The following SATB2 variants were observed in gnomAD, a reference collection of about 807,000 sequenced individuals.
SATB2 encodes the protein DNA-binding protein SATB2.
SATB2 carries 1 observed loss-of-function variant against 73.4 expected under a neutral mutation model. That is an observed-to-expected ratio of 0.01 (90% CI 0.00 to 0.06). SATB2 has a LOEUF of 0.06. Ranked by LOEUF, SATB2 falls within the 10% of genes least tolerant of loss-of-function variation. The pLI is 1.00. For missense variants in SATB2, 459 were observed against 945.8 expected (o/e 0.49, Z 6.75); for synonymous variants, 397 against 367.0 (o/e 1.08, Z -0.93).
At chr2:199,451,658 G>GTC (rs1430584664) in intron 2 of SATB2, among the ~76,000 whole-genome samples, 1 of 151,966 alleles carries the variant, frequency 6.6e-6, no homozygotes, top group Non-Finnish European at 1.5e-5. Context: ...AAAGTTAAAT[G>GTC]TCTCTCTACT....
intron 6 of SATB2, among the ~76,000 whole-genome samples, chr2:199,359,517 A>G (rs1689077460): frequency 6.6e-6 from 1 of 152,136 alleles, no homozygotes; most frequent in Non-Finnish European, 1.5e-5. Flanking sequence ...CTCTCAATTG[A>G]CAGATCAGGT....
intron 8 of SATB2, among the ~76,000 whole-genome samples, chr2:199,324,560 G>A (rs1165843648): frequency 6.6e-6 from 1 of 152,042 alleles, no homozygotes; most frequent in Non-Finnish European, 1.5e-5. Flanking sequence ...GCTTCACAAT[G>A]CCTTTGATGT....
intron 2 of SATB2, among the ~76,000 whole-genome samples, chr2:199,434,165 CATG>C (rs1691586773): frequency 6.6e-6 from 1 of 152,018 alleles, no homozygotes; most frequent in African/African-American, 2.4e-5. Flanking sequence ...CTGAAAATAA[CATG>C]ATCATAAACA....
intron 7 of SATB2, among the ~76,000 whole-genome samples, chr2:199,331,126 G>A (rs952557536): frequency 6.6e-6 from 1 of 151,750 alleles, no homozygotes; most frequent in African/African-American, 2.4e-5. Context: ...CAAAACTATT[G>A]TTCTAATGGA....
chr2:199,419,567 C>T (rs997389690), intron 3 of SATB2, among the ~76,000 whole-genome samples: 1 of 152,160 alleles, frequency 6.6e-6, no homozygotes, highest in Non-Finnish European at 1.5e-5. Context: ...TAAATTACCT[C>T]GGGATGTCCA....
intron 3 of SATB2, among the ~76,000 whole-genome samples, chr2:199,398,163 C>T (rs1367272002): frequency 1.3e-5 from 2 of 151,718 alleles, no homozygotes; most frequent in African/African-American, 4.9e-5. Context: ...AAAACAGACA[C>T]ATGTTTTCCA....
chr2:199,285,288 T>C (rs965555528), intron 10 of SATB2, among the ~76,000 whole-genome samples: 1 of 151,890 alleles, frequency 6.6e-6, no homozygotes, highest in Non-Finnish European at 1.5e-5. Flanking sequence ...AGAGAAAGAG[T>C]GTAGGAGAAA....
intron 2 of SATB2, among the ~76,000 whole-genome samples, chr2:199,436,049 G>C (rs926767971): frequency 2.6e-5 from 4 of 152,176 alleles, no homozygotes; most frequent in South Asian, 2.1e-4. Context: ...TCCATGTGCA[G>C]TTCCTAATGT....
chr2:199,397,984 A>C (rs1206920315), intron 3 of SATB2: 2 of 227,162 alleles, frequency 8.8e-6, no homozygotes, highest in Non-Finnish European at 1.8e-5. Flanking sequence ...TTATATTTTA[A>C]GTACATTTCA....
rs906996735 is a variant in SATB2 at position 199,464,267 on chromosome 2, GC to G, written c.-141+568del. Among the ~76,000 whole-genome samples, 8 of 152,122 alleles carry G rather than the reference GC, an allele frequency of 5.3e-5. No individual in the cohort carries two copies. Among genetic ancestry groups the G allele is most frequent in the African/African-American group, 1.7e-4 (7 of 41,440 alleles). On this transcript the variant is annotated intron_variant, in intron 1 of 11. Transcript: ENST00000260926. The surrounding 1 kb of genome is among the most constrained non-coding windows in gnomAD (Gnocchi z 6.6). The stretch of plus-strand genomic sequence containing the variant: ...TGGTGCCTTCCCTCCCCGCCCTACA[GC>G]CAAGCCCAGAGGAACAGGGCATCGC...
In SATB2 at chr2:199,328,792, C is replaced by A. The variant is rs745320639; in HGVS notation, c.1292G>T (p.Arg431Leu). The change falls in exon 8 of 11, where the codon CGC becomes CTC. Residue 431 changes from arginine (R) to leucine (L), a missense_variant. Arg to Leu is a moderately radical substitution (Grantham distance 102). This residue lies in a region of SATB2 where 21 missense variants were observed against 92.8 expected (regional missense o/e 0.23). Coordinates refer to ENST00000417098, the MANE Select transcript of SATB2 (RefSeq NM_001172509.2). ...CCGCTCCCTCTCATCCTGGTAGATGCGATCTCGCTCCACTTCTGGCAGATT... is the reference window on the plus strand; with the variant it reads ...CCGCTCCCTCTCATCCTGGTAGATGAGATCTCGCTCCACTTCTGGCAGATT... ...FLNLPEVERD[R>L]IYQDERERSM... The A allele has an allele frequency of 1.2e-6, 2 of 1,613,894 alleles. No homozygotes were observed. The highest frequency in any genetic ancestry group is 1.1e-5 in the South Asian group (1 of 91,092).
At chr2:199,312,418 G>A (rs1257289714) in intron 9 of SATB2, among the ~76,000 whole-genome samples, 3 of 152,136 alleles carry the variant, frequency 2.0e-5, no homozygotes, top group Admixed American at 1.3e-4. Flanking sequence ...TTTACAGTCT[G>A]GTAAAACTAG....
intron 7 of SATB2, among the ~76,000 whole-genome samples, chr2:199,331,197 G>A (rs1363288977): frequency 1.5e-5 from 2 of 134,766 alleles, no homozygotes; most frequent in Admixed American, 8.5e-5. Flanking sequence ...AAAACACAGA[G>A]TGTTTTAATT....
intron 7 of SATB2, among the ~76,000 whole-genome samples, chr2:199,330,134 T>C (rs1157642494): frequency 6.6e-6 from 1 of 152,166 alleles, no homozygotes; most frequent in Non-Finnish European, 1.5e-5. Flanking sequence ...AGATTTCTAA[T>C]ATGTGGCTTA....
chr2:199,324,492 C>T (rs1687978921), intron 8 of SATB2, among the ~76,000 whole-genome samples: 1 of 152,108 alleles, frequency 6.6e-6, no homozygotes, highest in Non-Finnish European at 1.5e-5. Flanking sequence ...CAGACAGTCA[C>T]CTAATTTCAC....
In SATB2 at chr2:199,272,987, G is replaced by A. The variant is rs1221734575; in HGVS notation, c.1741-315C>T. Among the ~76,000 whole-genome samples, 1 of 152,012 alleles carries A rather than the reference G, an allele frequency of 6.6e-6. No homozygotes were observed. Among genetic ancestry groups the A allele is most frequent in the African/African-American group, 2.4e-5 (1 of 41,382 alleles). ...TCTATACCTGTAACCACCAAGATAT[G>A]CCACCTCTCTGAAGGCTAACGACAA... On this transcript the variant is annotated intron_variant, in intron 10 of 10. Coordinates refer to ENST00000417098, the MANE Select transcript of SATB2 (RefSeq NM_001172509.2). This position sits in a 1 kb window ranked among gnomAD's most constrained non-coding sequence, Gnocchi z 6.7.
At chr2:199,383,793 G>C (rs892903925) in intron 3 of SATB2, among the ~76,000 whole-genome samples, 1 of 152,154 alleles carries the variant, frequency 6.6e-6, no homozygotes, top group South Asian at 2.1e-4. Context: ...GCATTCCATT[G>C]TAAGAATACA....
At chr2:199,273,034 A>G (rs1294031661) in intron 10 of SATB2, among the ~76,000 whole-genome samples, 2 of 152,142 alleles carry the variant, frequency 1.3e-5, no homozygotes, top group Non-Finnish European at 2.9e-5. Context: ...ACAAAGGGGA[A>G]AGTATGGACT....
intron 8 of SATB2, among the ~76,000 whole-genome samples, chr2:199,325,128 T>G (rs997672025): frequency 1.3e-5 from 2 of 152,154 alleles, no homozygotes; most frequent in Non-Finnish European, 2.9e-5. Context: ...GCTCAGTAAC[T>G]TCTGCCATTT....
Sources: gnomAD v4.1 joint callset for allele counts (sites outside exome capture counted in the v4.1 genomes callset) on GRCh38, gnomAD v4.1.1 for gene constraint, gnomAD v4.1.1 regional missense constraint, Gnocchi (gnomAD v3.1) non-coding constraint, MANE v1.5 for transcripts, NCBI Gene and HGNC (gene_info 2026-07-23, HGNC 2026-07-21) for gene names.